Variants in PRKG1 observed in about 807,000 individuals in gnomAD.
The protein encoded by PRKG1 is cGMP-dependent protein kinase 1.
In PRKG1, 35 loss-of-function variants were observed where a neutral mutation model predicts 88.1. The ratio of observed to expected loss-of-function variants is 0.40; its 90% CI spans 0.30 to 0.53. PRKG1 has a LOEUF of 0.53. PRKG1 is among the 20% of genes least tolerant of loss of function. The pLI, the probability that PRKG1 is intolerant of heterozygous loss-of-function variation, is 0.59. For missense variants in PRKG1, 540 were observed against 839.8 expected, an observed-to-expected ratio of 0.64 and a Z score of 4.41; for synonymous variants, 303 against 292.5, an observed-to-expected ratio of 1.04 and a Z score of -0.37.
At chr10:51,454,007 A>G (rs1042797088) in intron 2 of PRKG1, among the ~76,000 whole-genome samples, 1 of 152,114 alleles carries the variant, frequency 6.6e-6, no homozygotes, top group African/African-American at 2.4e-5. Flanking sequence ...CAGCTGCTCA[A>G]AAATAAAATG....
In PRKG1 at chr10:51,581,015, T is replaced by A. The variant is rs189496450; in HGVS notation, c.592+113179T>A. On this transcript the variant is annotated intron_variant, in intron 3 of 17. Transcript: ENST00000373980. ...AGTGAAAGCTGGGTCCAGGGGGGGG[T>A]CACTGCCTTCTGGTCCCACGATGCC... Among the ~76,000 whole-genome samples, 56 of 148,820 alleles carry A rather than the reference T, an allele frequency of 3.8e-4. No individual in the cohort carries two copies. In the East Asian group the frequency reaches 9.9e-3, roughly 26 times the overall value.
At chr10:51,757,628 T>C (rs1436285313) in intron 3 of PRKG1, among the ~76,000 whole-genome samples, 1 of 152,202 alleles carries the variant, frequency 6.6e-6, no homozygotes, top group African/African-American at 2.4e-5. Context: ...TACTGAGCAC[T>C]TGAAATGTGA....
chr10:51,178,497 C>A (rs1837257247), intron 2 of PRKG1, among the ~76,000 whole-genome samples: 1 of 152,010 alleles, frequency 6.6e-6, no homozygotes, highest in Non-Finnish European at 1.5e-5. Flanking sequence ...ATTAGCCAGG[C>A]ATGGTGGTGG....
chr10:51,807,675 T>C (rs1325970693), intron 4 of PRKG1, among the ~76,000 whole-genome samples: 2 of 152,186 alleles, frequency 1.3e-5, no homozygotes, highest in Non-Finnish European at 2.9e-5. Flanking sequence ...CTCTCTGTTG[T>C]AGCATTTCTT....
chr10:51,090,219 T>C (rs939620025), intron 1 of PRKG1, among the ~76,000 whole-genome samples: 1 of 152,194 alleles, frequency 6.6e-6, no homozygotes, highest in Non-Finnish European at 1.5e-5. Flanking sequence ...CTCATTACTA[T>C]CATAATTTTT....
intron 3 of PRKG1, chr10:51,699,060 G>T (rs1349237539): frequency 1.9e-6 from 3 of 1,614,214 alleles, no homozygotes; most frequent in Admixed American, 1.7e-5. Context: ...TGTGGATTTT[G>T]AAGTAACATG....
intron 1 of PRKG1, among the ~76,000 whole-genome samples, chr10:51,006,610 C>T (rs533323937): frequency 1.3e-5 from 2 of 152,166 alleles, no homozygotes; most frequent in Non-Finnish European, 2.9e-5. Flanking sequence ...TTTCCTGAAT[C>T]ACAGATGGTA....
At chr10:51,808,121 C>T (rs12217413) in intron 4 of PRKG1, among the ~76,000 whole-genome samples, 6,111 of 152,176 alleles carry the variant, frequency 0.04, 259 homozygotes, top group East Asian at 0.11. Flanking sequence ...AAATTAATTG[C>T]TTTCCTGTAA....
chr10:51,418,244 G>A (rs1406005542), intron 2 of PRKG1, among the ~76,000 whole-genome samples: 1 of 152,100 alleles, frequency 6.6e-6, no homozygotes, highest in Non-Finnish European at 1.5e-5. Flanking sequence ...TGGAACTTTA[G>A]GTAGAATTGC....
intron 3 of PRKG1, among the ~76,000 whole-genome samples, chr10:51,722,050 T>C (rs1202922794): frequency 6.6e-6 from 1 of 152,108 alleles, no homozygotes; most frequent in East Asian, 1.9e-4. Context: ...GCCAAGATGG[T>C]GAAACCTTGT....
At chr10:51,570,010 A>G (rs948929883) in intron 3 of PRKG1, among the ~76,000 whole-genome samples, 2 of 147,430 alleles carry the variant, frequency 1.4e-5, no homozygotes, top group Non-Finnish European at 3.0e-5. Context: ...ATAAGATGTT[A>G]TAACTAAGAC....
intron 3 of PRKG1, among the ~76,000 whole-genome samples, chr10:51,631,942 C>T (rs1046454984): frequency 6.6e-6 from 1 of 152,286 alleles, no homozygotes; most frequent in African/African-American, 2.4e-5. Flanking sequence ...AAGCAGGTTA[C>T]AAGTTTCTCC....
At chr10:52,166,067 T>C (rs1027546774) in intron 9 of PRKG1, among the ~76,000 whole-genome samples, 2 of 152,212 alleles carry the variant, frequency 1.3e-5, no homozygotes, top group African/African-American at 4.8e-5. Context: ...AATTATCCAC[T>C]GAGGGCTTCT....
chr10:51,456,644 A>AT (rs1215178988), intron 2 of PRKG1, among the ~76,000 whole-genome samples: 4 of 152,166 alleles, frequency 2.6e-5, no homozygotes, highest in African/African-American at 9.7e-5. Context: ...AATAATCAGT[A>AT]TTTTTTAGAC....
intron 5 of PRKG1, among the ~76,000 whole-genome samples, chr10:52,032,625 T>G (rs1240999151): frequency 6.6e-6 from 1 of 152,170 alleles, no homozygotes; most frequent in Non-Finnish European, 1.5e-5. Context: ...AGAATTTTAA[T>G]TAATCATTTG....
At position 52,154,713 on chromosome 10, in the gene PRKG1, G is replaced by A. The variant is rs143606033; in HGVS notation, c.1002-7176G>A. Among the ~76,000 whole-genome samples, 147 of 152,002 alleles carry A rather than the reference G, an allele frequency of 9.7e-4. 1 individual carries two copies. The East Asian group carries it at 0.022, about 23-fold the overall frequency. On this transcript the variant is annotated intron_variant, in intron 8 of 17. Coordinates refer to ENST00000373980, the MANE Select transcript of PRKG1 (RefSeq NM_006258.4). ...TGGTTACATGGGTAAGTTCTTTAGC[G>A]GTGATTTCTGAGATTTTGGTGCACC...
At chr10:51,746,359 TG>T (rs1837578010) in intron 3 of PRKG1, among the ~76,000 whole-genome samples, 1 of 151,922 alleles carries the variant, frequency 6.6e-6, no homozygotes, top group Non-Finnish European at 1.5e-5. Flanking sequence ...CCCTTACCTG[TG>T]GGCCATTCTC....
At chr10:52,166,827 A>ATATATGTATATATATATATC (rs1838473379) in intron 9 of PRKG1, among the ~76,000 whole-genome samples, 2 of 18,206 alleles carry the variant, frequency 1.1e-4, no homozygotes, top group African/African-American at 1.7e-4. Flanking sequence ...ATGTATATAT[A>ATATATGTATATATATATATC]TGTATATATA....
chr10:51,337,656 A>G (rs1355375375), intron 2 of PRKG1, among the ~76,000 whole-genome samples: 1 of 152,170 alleles, frequency 6.6e-6, no homozygotes, highest in African/African-American at 2.4e-5. Flanking sequence ...AAAAAGCTCA[A>G]CATTACTGAT....
Sources: allele counts gnomAD v4.1 joint callset (sites outside exome capture counted in the v4.1 genomes callset), GRCh38; gene constraint gnomAD v4.1.1; transcripts MANE v1.5; gene names NCBI Gene and HGNC (gene_info 2026-07-23, HGNC 2026-07-21).